The following QDPR variants were observed in gnomAD, a reference collection of about 807,000 sequenced individuals.
QDPR encodes the protein dihydropteridine reductase.
A neutral mutation model predicts 31.7 loss-of-function variants in QDPR; 23 were observed. That is an observed-to-expected ratio of 0.73 (90% CI 0.52 to 1.03). The LOEUF is 1.03. Among genes scored for constraint, QDPR ranks in the 50% least tolerant of loss-of-function variants. The pLI is 0.00. For missense variants in QDPR, 324 were observed against 323.8 expected (o/e 1.00, Z 0.00); for synonymous variants, 124 against 124.7 (o/e 0.99, Z 0.03).
At chr4:17,488,713 A>G (rs1428797012) in intron 6 of QDPR, among the ~76,000 whole-genome samples, 2 of 152,254 alleles carry the variant, frequency 1.3e-5, no homozygotes, top group African/African-American at 2.4e-5. Flanking sequence ...AAAAGTGCTC[A>G]GCATTTCCTT....
At chr4:17,496,200 C>G (rs1718344603) in intron 4 of QDPR, among the ~76,000 whole-genome samples, 1 of 151,900 alleles carries the variant, frequency 6.6e-6, no homozygotes, top group Non-Finnish European at 1.5e-5. Context: ...AATCCCAGCA[C>G]TTTGGGAGGC....
chr4:17,488,592 T>G (rs1415723529), intron 6 of QDPR, among the ~76,000 whole-genome samples: 1 of 152,130 alleles, frequency 6.6e-6, no homozygotes, highest in Non-Finnish European at 1.5e-5. Flanking sequence ...GCAAAAGAAA[T>G]TCACAAGAAA....
At chr4:17,491,617 C>A (rs1346793090) in intron 5 of QDPR, among the ~76,000 whole-genome samples, 2 of 151,836 alleles carry the variant, frequency 1.3e-5, no homozygotes, top group Non-Finnish European at 2.9e-5. Context: ...AATGTGTAGT[C>A]TAATTTTAAA....
At chr4:17,491,115 G>T (rs1345117146) in intron 5 of QDPR, among the ~76,000 whole-genome samples, 1 of 152,142 alleles carries the variant, frequency 6.6e-6, no homozygotes, top group African/African-American at 2.4e-5. Context: ...CATTTCTAAG[G>T]ATTTAAGATA....
At chr4:17,505,488 T>G (rs1284195763) in intron 2 of QDPR, among the ~76,000 whole-genome samples, 1 of 152,078 alleles carries the variant, frequency 6.6e-6, no homozygotes, top group Admixed American at 6.6e-5. Context: ...CTCAGGTGAT[T>G]CGCCTGCCTC....
intron 1 of QDPR, chr4:17,509,876 C>A: frequency 2.3e-6 from 1 of 442,624 alleles, no homozygotes; most frequent in South Asian, 1.6e-5. Context: ...ACAAACCCTG[C>A]ACTTCTAGAG....
chr4:17,490,785 C>G, intron 5 of QDPR, 40 bp from the exon 6 acceptor site: 1 of 1,545,378 alleles, frequency 6.5e-7, no homozygotes, highest in Non-Finnish European at 8.9e-7. Flanking sequence ...CATGTCGCTC[C>G]TTTCTAACAA....
At position 17,512,043 on chromosome 4, in the gene QDPR, C is replaced by G; in HGVS notation, c.12G>C (p.Ala4=). The stretch of plus-strand genomic sequence containing the variant: ...CCCGGCGCGCCTCGCCTGCAGCCGC[C>G]GCCGCCGCCATCCTGCTCCTGCCAG... MAA[A]AAAGEARRVL... Residue 4 remains alanine (A), a synonymous_variant, in exon 1 of 7, where the codon GCG becomes GCC. Coordinates refer to ENST00000281243, the MANE Select transcript of QDPR (RefSeq NM_000320.3). The G allele has an allele frequency of 6.2e-7, 1 of 1,602,092 alleles. No individual in the cohort carries two copies. The highest frequency in any genetic ancestry group is 8.5e-7 in the Non-Finnish European group (1 of 1,175,706).
chr4:17,495,150 G>A lies in QDPR; in HGVS notation c.437-2810C>T, dbSNP rs759086743. Among the ~76,000 whole-genome samples the A allele has an allele frequency of 7.2e-5, 11 of 152,144 alleles. No homozygotes were observed. The South Asian group carries it at 8.3e-4, about 11-fold the overall frequency. On this transcript the variant is annotated intron_variant, in intron 4 of 6. Transcript: ENST00000281243. ...TCAAGCAGTCATCTGCGGCCCATCC[G>A]GGGCATTTCCTTCCTTATCAGCAGT...
chr4:17,490,164 T>C (rs1718106831), intron 6 of QDPR: 1 of 184,840 alleles, frequency 5.4e-6, no homozygotes, highest in African/African-American at 2.3e-5. Flanking sequence ...TTTCTGTGGG[T>C]CTGTGGCTTG....
chr4:17,500,006 G>A (rs1410269366), intron 4 of QDPR, among the ~76,000 whole-genome samples: 1 of 151,410 alleles, frequency 6.6e-6, no homozygotes, highest in African/African-American at 2.4e-5. Flanking sequence ...TCTTTTGAGA[G>A]GGAGTCTTGC....
chr4:17,493,570 A>T (rs28435289), intron 4 of QDPR, among the ~76,000 whole-genome samples: 16,268 of 151,962 alleles, frequency 0.11, 1,751 homozygotes, highest in East Asian at 0.43. Flanking sequence ...ACTCAGGCAA[A>T]CGCTTTTTTT....
At chr4:17,496,278 T>C (rs1223460970) in intron 4 of QDPR, among the ~76,000 whole-genome samples, 3 of 151,612 alleles carry the variant, frequency 2.0e-5, no homozygotes, top group Non-Finnish European at 4.4e-5. Context: ...AAACTCCGTC[T>C]CTACTAAAAA....
chr4:17,511,851 G>C, intron 1 of QDPR, 99 bp downstream of exon 1: 3 of 1,313,102 alleles, frequency 2.3e-6, no homozygotes, highest in South Asian at 1.3e-5. Context: ...GGGGTGCACA[G>C]GGGCCCCCAC....
intron 5 of QDPR, 150 bp from the exon 6 acceptor site, chr4:17,490,895 A>T (rs987525988): frequency 8.8e-6 from 6 of 683,356 alleles, no homozygotes; most frequent in Admixed American, 8.2e-5. Flanking sequence ...AAGATCAGAC[A>T]GAAAGATAAG....
At chr4:17,491,807 G>C (rs553870303) in intron 5 of QDPR, among the ~76,000 whole-genome samples, 1 of 152,198 alleles carries the variant, frequency 6.6e-6, no homozygotes, top group African/African-American at 2.4e-5. Context: ...CAACATAATA[G>C]TATTAAGAGG....
intron 6 of QDPR, among the ~76,000 whole-genome samples, chr4:17,488,956 T>C (rs887341594): frequency 1.8e-4 from 27 of 152,238 alleles, no homozygotes; most frequent in Non-Finnish European, 3.1e-4. Context: ...GCCGTTTGGT[T>C]GTGTAGGGTT....
chr4:17,510,292 C>T (rs1259974791), intron 1 of QDPR, among the ~76,000 whole-genome samples: 1 of 152,048 alleles, frequency 6.6e-6, no homozygotes, highest in Admixed American at 6.5e-5. Flanking sequence ...TTTCTCACTC[C>T]GATGCCGGGC....
chr4:17,505,290 A>G (rs985207528), intron 2 of QDPR, among the ~76,000 whole-genome samples: 1 of 122,052 alleles, frequency 8.2e-6, no homozygotes, highest in African/African-American at 3.2e-5. Flanking sequence ...CTTGTCTCCC[A>G]GGCTGGAGTG....
Sources: gnomAD v4.1 joint callset for allele counts (sites outside exome capture counted in the v4.1 genomes callset) on GRCh38, gnomAD v4.1.1 for gene constraint, MANE v1.5 for transcripts, NCBI Gene and HGNC (gene_info 2026-07-23, HGNC 2026-07-21) for gene names.